The following SCARB2 variants were observed in gnomAD, a reference collection of about 807,000 sequenced individuals.
SCARB2 encodes scavenger receptor class B member 2.
A neutral mutation model predicts 58.6 loss-of-function variants in SCARB2; 29 were observed. That is an observed-to-expected ratio of 0.49 (90% CI 0.37 to 0.67). SCARB2 has a LOEUF of 0.67. SCARB2 is among the 30% of genes least tolerant of loss of function. The pLI, the probability that SCARB2 is intolerant of heterozygous loss-of-function variation, is 0.00. For missense variants in SCARB2, 488 were observed against 578.5 expected, an observed-to-expected ratio of 0.84 and a Z score of 1.60; for synonymous variants, 195 against 210.1, an observed-to-expected ratio of 0.93 and a Z score of 0.62.
At chr4:76,175,650 G>T in intron 6 of SCARB2, 141 bp downstream of exon 6, 5 of 985,754 alleles carry the variant, frequency 5.1e-6, no homozygotes, top group African/African-American at 1.6e-5. Context: ...ATACTGTCTC[G>T]ATGTGCCATC....
At chr4:76,169,737 G>A (rs1732090757) in intron 8 of SCARB2, 130 bp downstream of exon 8, 1 of 823,558 alleles carries the variant, frequency 1.2e-6, no homozygotes. Context: ...GCACTGAGCT[G>A]AATTTCTCCC....
At chr4:76,193,686 T>C (rs769991491) in intron 2 of SCARB2, 1 of 152,248 alleles carries the variant, frequency 6.6e-6, no homozygotes, top group Non-Finnish European at 1.5e-5. Context: ...AATGGGAATG[T>C]TTGCCCAATG....
intron 1 of SCARB2, among the ~76,000 whole-genome samples, chr4:76,227,117 A>T (rs1426336354): frequency 6.6e-6 from 1 of 152,040 alleles, no homozygotes; most frequent in Non-Finnish European, 1.5e-5. Flanking sequence ...GTGTGACCTT[A>T]GAGTGTCTAT....
chr4:76,170,058 T>C lies in SCARB2; in HGVS notation c.995-73A>G. 5 of 1,345,228 alleles carry C rather than the reference T, an allele frequency of 3.7e-6. No individual in the cohort carries two copies. In the Admixed American group the frequency reaches 5.0e-5, roughly 14 times the overall value. 83.3% of individuals were successfully genotyped at this position (1,345,228 alleles called of 1,614,324 possible). A position where few individuals can be genotyped will look rare whatever the true frequency, so the allele number is the denominator to read the frequency against. On this transcript the variant is annotated intron_variant, in intron 7 of 11. Transcript: ENST00000264896. ...AAGCTGAGCTGAATATAAAAGTTCCTGGCCACAGCCTGGTTCCTAAAGAAA... is the reference window on the plus strand; with the variant it reads ...AAGCTGAGCTGAATATAAAAGTTCCCGGCCACAGCCTGGTTCCTAAAGAAA...
chr4:76,226,077 C>T (rs1387396316), intron 1 of SCARB2, among the ~76,000 whole-genome samples: 2 of 150,564 alleles, frequency 1.3e-5, no homozygotes, highest in African/African-American at 4.9e-5. Context: ...TCAGACTCAA[C>T]ACCAGGTCGT....
chr4:76,210,667 T>G (rs1733026417), intron 1 of SCARB2, among the ~76,000 whole-genome samples: 1 of 152,172 alleles, frequency 6.6e-6, no homozygotes, highest in Non-Finnish European at 1.5e-5. Context: ...GCAGAAACAA[T>G]TACAGGCCTT....
At chr4:76,205,872 A>C (rs956203434) in intron 1 of SCARB2, among the ~76,000 whole-genome samples, 2 of 152,138 alleles carry the variant, frequency 1.3e-5, no homozygotes, top group Non-Finnish European at 2.9e-5. Context: ...ACATTTCTCT[A>C]CTCTAAGAAA....
intron 7 of SCARB2, among the ~76,000 whole-genome samples, chr4:76,171,495 A>C (rs1732128422): frequency 6.6e-6 from 1 of 152,180 alleles, no homozygotes; most frequent in Admixed American, 6.5e-5. Context: ...GGAGAATTCA[A>C]AACACTGGAG....
chr4:76,195,720 GC>G lies in SCARB2; in HGVS notation c.261del (p.Pro88HisfsTer45). On this transcript the variant is annotated frameshift_variant, in exon 2 of 12. Transcript: ENST00000264896. LOFTEE classifies it high-confidence loss of function. ...GTCAAGACTTACCTGTAGGTGTATG[GC>G]CCCACTTCTTCCACCCGAGGGGTCT... The part of the protein sequence containing the change: ...RGETPRVEEV[G>X]PYTYRELRNK... 1 of 1,613,908 alleles carries G rather than the reference GC, an allele frequency of 6.2e-7. No individual in the cohort carries two copies. The highest frequency in any genetic ancestry group is 8.5e-7 in the Non-Finnish European group (1 of 1,179,852).
At chr4:76,176,777 TCTC>T (rs1732259363) in intron 4 of SCARB2, 3 of 396,898 alleles carry the variant, frequency 7.6e-6, no homozygotes, top group Non-Finnish European at 1.4e-5. Flanking sequence ...GAGGAGGAAT[TCTC>T]CTCAAGACTG....
At position 76,198,841 on chromosome 4, in the gene SCARB2, A is replaced by AGTGTGTGAGTGTGT. The variant is rs1553949940; in HGVS notation, c.118-2978_118-2977insACACACTCACACAC. Among the ~76,000 whole-genome samples the AGTGTGTGAGTGTGT allele has an allele frequency of 2.1e-5, 3 of 141,010 alleles. No homozygotes were observed. The East Asian group carries it at 6.1e-4, about 29-fold the overall frequency. The allele number at this position is 141,010 out of a possible 152,430, so 92.5% of individuals were successfully genotyped here. A position where few individuals can be genotyped will look rare whatever the true frequency, so the allele number is the denominator to read the frequency against. On this transcript the variant is annotated intron_variant, in intron 1 of 11. Coordinates refer to ENST00000264896, the MANE Select transcript of SCARB2 (RefSeq NM_005506.4). ...TAGATCACGTGCTGGAGAGTGAGTG[A>AGTGTGTGAGTGTGT]GTGTGTGTGTGTGTGTGTGTGTGTG... is the stretch of plus-strand genomic sequence containing the variant.
chr4:76,216,761 T>G (rs1330250754), upstream of SCARB2, among the ~76,000 whole-genome samples: 1 of 152,236 alleles, frequency 6.6e-6, no homozygotes, highest in Non-Finnish European at 1.5e-5. Context: ...TGAAAATCTC[T>G]TTCTTGGTTC....
chr4:76,214,458 C>T, upstream of SCARB2: 1 of 370,674 alleles, frequency 2.7e-6, no homozygotes, highest in South Asian at 2.0e-5. Context: ...AAGAGCAAAA[C>T]CTGTAGGAAG....
chr4:76,194,600 T>C (rs779224588), intron 2 of SCARB2: 11 of 152,210 alleles, frequency 7.2e-5, no homozygotes, highest in Non-Finnish European at 1.5e-4. Context: ...CATGAATCAG[T>C]CAGCAATAAT....
chr4:76,230,875 A>C (rs1211196117), intron 1 of SCARB2, among the ~76,000 whole-genome samples: 1 of 152,142 alleles, frequency 6.6e-6, no homozygotes, highest in African/African-American at 2.4e-5. Flanking sequence ...CGTGGCCTTT[A>C]TCCATCAAAC....
Position 76,234,126 on chromosome 4 carries a change from G to C in SCARB2, c.-358+177C>G, listed in dbSNP as rs147647699. 1.2e-3 allele frequency among the ~76,000 whole-genome samples: 183 copies of C among 152,304 alleles called. 4 individuals carry two copies. The East Asian group carries it at 0.032, about 27-fold the overall frequency. The stretch of plus-strand genomic sequence containing the variant: ...GGCCATGTGTCTCAGCCCAGGCAGG[G>C]AGGGGAGGGTGGAGGGGAGCCGCTG... On this transcript the variant is annotated intron_variant, in intron 1 of 11. Transcript: ENST00000638295.
intron 1 of SCARB2, among the ~76,000 whole-genome samples, chr4:76,231,010 C>T (rs576708884): frequency 1.3e-5 from 2 of 152,050 alleles, no homozygotes; most frequent in African/African-American, 2.4e-5. Context: ...GGGCTTTGAC[C>T]CAAAGCTTGG....
intron 8 of SCARB2, among the ~76,000 whole-genome samples, chr4:76,169,132 G>A (rs949250322): frequency 6.6e-5 from 10 of 152,064 alleles, no homozygotes; most frequent in African/African-American, 2.2e-4. Flanking sequence ...TAAGATCACT[G>A]GTTTCTCAGA....
chr4:76,180,145 GC>G, intron 3 of SCARB2: 2 of 228,438 alleles, frequency 8.8e-6, no homozygotes, highest in South Asian at 1.3e-4. Flanking sequence ...TGCATATGGA[GC>G]GGTCACCTAG....
Sources: gnomAD v4.1 joint callset for allele counts (sites outside exome capture counted in the v4.1 genomes callset) on GRCh38, gnomAD v4.1.1 for gene constraint, MANE v1.5 for transcripts, NCBI Gene and HGNC (gene_info 2026-07-23, HGNC 2026-07-21) for gene names.